DCC: variants seen among roughly 807,000 people sequenced by gnomAD.
DCC encodes the protein netrin receptor DCC.
DCC carries 58 observed loss-of-function variants against 172.5 expected under a neutral mutation model. The observed-to-expected ratio is 0.34, with a 90% CI of 0.27 to 0.42. The LOEUF is 0.42. Among genes scored for constraint, DCC ranks in the 10% least tolerant of loss-of-function variants. The pLI is 1.00. For missense variants in DCC, 1,740 were observed against 1,791.0 expected (o/e 0.97, Z 0.51); for synonymous variants, 709 against 644.5 (o/e 1.10, Z -1.52).
At chr18:53,125,838 A>G (rs1485236755) in intron 7 of DCC, among the ~76,000 whole-genome samples, 1 of 152,132 alleles carries the variant, frequency 6.6e-6, no homozygotes, top group Non-Finnish European at 1.5e-5. Flanking sequence ...CATCATATAC[A>G]AGAGATAAAT....
chr18:52,671,890 A>T (rs2035560821), intron 1 of DCC, among the ~76,000 whole-genome samples: 1 of 152,112 alleles, frequency 6.6e-6, no homozygotes, highest in African/African-American at 2.4e-5. Context: ...TTGAAAAGGA[A>T]GTAAATACCC....
intron 5 of DCC, among the ~76,000 whole-genome samples, chr18:52,947,302 A>AT (rs1427841679): frequency 2.0e-5 from 3 of 152,252 alleles, no homozygotes; most frequent in Admixed American, 6.5e-5. Context: ...AAAAGTTTGC[A>AT]TTTTTTCTTA....
At chr18:53,254,139 C>T (rs951215951) in intron 12 of DCC, among the ~76,000 whole-genome samples, 5 of 151,958 alleles carry the variant, frequency 3.3e-5, no homozygotes, top group African/African-American at 9.7e-5. Flanking sequence ...GTGGGGACAA[C>T]CATATTTATT....
intron 1 of DCC, among the ~76,000 whole-genome samples, chr18:52,717,430 C>CTTTTTT (rs59202776): frequency 3.2e-5 from 4 of 123,416 alleles, no homozygotes; most frequent in Non-Finnish European, 6.4e-5. Flanking sequence ...TTCTAAATTT[C>CTTTTTT]TTTTTTTTTT....
intron 15 of DCC, among the ~76,000 whole-genome samples, chr18:53,343,112 G>A (rs1426544028): frequency 6.6e-6 from 1 of 151,498 alleles, no homozygotes; most frequent in East Asian, 1.9e-4. Context: ...ACATATCTAT[G>A]TGAACAGAAA....
chr18:53,363,172 T>C (rs1599066816), intron 15 of DCC, among the ~76,000 whole-genome samples: 2 of 152,272 alleles, frequency 1.3e-5, no homozygotes, highest in Admixed American at 1.3e-4. Flanking sequence ...CACTGGGCTG[T>C]GTTACATTAG....
intron 7 of DCC, among the ~76,000 whole-genome samples, chr18:53,102,452 A>G (rs1481071146): frequency 2.0e-5 from 3 of 152,072 alleles, no homozygotes; most frequent in East Asian, 3.9e-4. Context: ...CTGTTTCCAA[A>G]CTCTGCAAGG....
At chr18:52,924,236 TATG>T (rs1241674712) in intron 4 of DCC, among the ~76,000 whole-genome samples, 1 of 152,114 alleles carries the variant, frequency 6.6e-6, no homozygotes, top group Non-Finnish European at 1.5e-5. Flanking sequence ...TGTGAAGTGA[TATG>T]ATCATCAGTT....
At position 53,430,669 on chromosome 18, in the gene DCC, T is replaced by C. The variant is rs552594564; in HGVS notation, c.3164-4475T>C. ...CAGGTGACATGTAAGGATAATAACA[T>C]AAATAATAAATTGCATAATAGTAAT... On this transcript the variant is annotated intron_variant, in intron 21 of 28. Coordinates refer to ENST00000442544, the MANE Select transcript of DCC (RefSeq NM_005215.4). Among the ~76,000 whole-genome samples the C allele has an allele frequency of 1.9e-3, 283 of 152,254 alleles. 2 individuals carry two copies. Among genetic ancestry groups the C allele is most frequent in the Non-Finnish European group, 1.2e-3 (83 of 68,006 alleles).
At chr18:53,098,053 CCT>C (rs1383970285) in intron 7 of DCC, among the ~76,000 whole-genome samples, 2 of 152,054 alleles carry the variant, frequency 1.3e-5, no homozygotes, top group Non-Finnish European at 2.9e-5. Flanking sequence ...CTAAAATGCC[CCT>C]GTTCTCTGAC....
chr18:52,893,310 G>A (rs1382183034), intron 2 of DCC, among the ~76,000 whole-genome samples: 2 of 152,162 alleles, frequency 1.3e-5, no homozygotes, highest in South Asian at 4.1e-4. Context: ...TCTCAGCAGG[G>A]CCATTTACAG....
At chr18:52,511,389 GAATA>G (rs1285723409) in intron 1 of DCC, among the ~76,000 whole-genome samples, 3 of 151,934 alleles carry the variant, frequency 2.0e-5, no homozygotes, top group Non-Finnish European at 4.4e-5. Context: ...TGAAAGAAGA[GAATA>G]AATAGTCTCT....
At chr18:53,486,661 G>C in intron 25 of DCC, 136 bp from the exon 26 acceptor site, 1 of 1,122,652 alleles carries the variant, frequency 8.9e-7, no homozygotes, top group East Asian at 2.5e-5. Flanking sequence ...GGTGGAGAGA[G>C]GTAAGTAAGG....
At chr18:53,020,871 C>T (rs937932578) in intron 5 of DCC, among the ~76,000 whole-genome samples, 8 of 152,004 alleles carry the variant, frequency 5.3e-5, no homozygotes, top group East Asian at 1.9e-4. Flanking sequence ...GCAGAGCCTG[C>T]GGATTAATGG....
chr18:52,644,888 A>T (rs1056689840), intron 1 of DCC, among the ~76,000 whole-genome samples: 1 of 151,750 alleles, frequency 6.6e-6, no homozygotes, highest in African/African-American at 2.4e-5. Flanking sequence ...TTGCTTGAGG[A>T]AGTTGCTTGA....
chr18:53,274,612 T>A (rs191337649), intron 12 of DCC, among the ~76,000 whole-genome samples: 4 of 152,230 alleles, frequency 2.6e-5, no homozygotes, highest in African/African-American at 9.6e-5. Flanking sequence ...TTAGATTGGT[T>A]TTTTAGAAGC....
At chr18:52,975,458 A>G (rs1489166865) in intron 5 of DCC, among the ~76,000 whole-genome samples, 1 of 152,124 alleles carries the variant, frequency 6.6e-6, no homozygotes, top group Non-Finnish European at 1.5e-5. Context: ...ATTTCATCAC[A>G]GCTATTAAGA....
intron 1 of DCC, among the ~76,000 whole-genome samples, chr18:52,740,244 T>C (rs1055031588): frequency 2.0e-5 from 3 of 152,164 alleles, no homozygotes; most frequent in African/African-American, 7.2e-5. Context: ...AACAAGTTAT[T>C]TGAGAAGTCC....
intron 2 of DCC, among the ~76,000 whole-genome samples, chr18:52,823,226 T>TGGG (rs776617393): frequency 1.3e-5 from 2 of 152,066 alleles, no homozygotes; most frequent in Non-Finnish European, 2.9e-5. Flanking sequence ...CCCAGTACTT[T>TGGG]GGGAGGCTGA....
Sources: gnomAD v4.1 joint callset for allele counts (sites outside exome capture counted in the v4.1 genomes callset) on GRCh38, gnomAD v4.1.1 for gene constraint, MANE v1.5 for transcripts, NCBI Gene and HGNC (gene_info 2026-07-23, HGNC 2026-07-21) for gene names.